TBC1D19: variants seen among roughly 807,000 people sequenced by gnomAD.
The protein encoded by TBC1D19 is TBC1 domain family, member 19.
In TBC1D19, 60 loss-of-function variants were observed where a neutral mutation model predicts 89.0. That is an observed-to-expected ratio of 0.67 (90% CI 0.55 to 0.84). TBC1D19 has a LOEUF of 0.84. TBC1D19 is among the 40% of genes least tolerant of loss of function. TBC1D19 has a pLI of 0.00. For missense variants in TBC1D19, 500 were observed against 610.8 expected (o/e 0.82, Z 1.91); for synonymous variants, 189 against 199.7 (o/e 0.95, Z 0.45).
intron 18 of TBC1D19, among the ~76,000 whole-genome samples, chr4:26,746,994 C>T (rs921351463): frequency 5.3e-5 from 8 of 152,102 alleles, no homozygotes; most frequent in African/African-American, 9.7e-5. Context: ...GGAGTGGGAC[C>T]GTGCGAGCTT....
At chr4:26,840,272 A>T in the TBC1D19 span, among the ~76,000 whole-genome samples, 2 of 152,174 alleles carry the variant, frequency 1.3e-5, no homozygotes, top group Admixed American at 6.5e-5. Context: ...AGTAGAGACG[A>T]GGTCTTACCA....
the TBC1D19 span, among the ~76,000 whole-genome samples, chr4:26,810,214 G>GT: frequency 3.3e-5 from 5 of 152,318 alleles, no homozygotes; most frequent in Non-Finnish European, 7.3e-5. Flanking sequence ...AATGCACCCT[G>GT]TATCAGCTGC....
the TBC1D19 span, among the ~76,000 whole-genome samples, chr4:26,805,414 G>C: frequency 1.3e-5 from 2 of 152,146 alleles, no homozygotes; most frequent in African/African-American, 4.8e-5. Flanking sequence ...TCCTCATCCG[G>C]ATTCAGTCCC....
chr4:26,771,748 A>G, the TBC1D19 span, among the ~76,000 whole-genome samples: 2 of 152,196 alleles, frequency 1.3e-5, no homozygotes, highest in Non-Finnish European at 2.9e-5. Flanking sequence ...ACATTGTGCT[A>G]TAGTCAACAA....
At chr4:26,684,319 CA>C (rs377234165) in intron 12 of TBC1D19, among the ~76,000 whole-genome samples, 48 of 152,272 alleles carry the variant, frequency 3.2e-4, no homozygotes, top group Middle Eastern at 3.4e-3. Context: ...AGCCAAGCAC[CA>C]AAGCACTGGG....
chr4:26,580,712 G>A (rs565183355), upstream of TBC1D19, among the ~76,000 whole-genome samples: 2 of 152,332 alleles, frequency 1.3e-5, no homozygotes, highest in South Asian at 4.1e-4. Context: ...ACAGTGGAAA[G>A]TATTTTTCAC....
intron 15 of TBC1D19, among the ~76,000 whole-genome samples, chr4:26,721,265 A>G (rs932560950): frequency 2.6e-5 from 4 of 151,928 alleles, no homozygotes; most frequent in Admixed American, 2.0e-4. Flanking sequence ...CCACCCCCAA[A>G]AGAAAAAAGA....
At position 26,637,112 on chromosome 4, in the gene TBC1D19, C is replaced by T. The variant is rs543083783; in HGVS notation, c.295-99C>T. ...ATAAATAAGGATAACCAATCTCAACCAGCCTTACCATTTCTATATAATTTG... is the reference window on the plus strand; with the variant it reads ...ATAAATAAGGATAACCAATCTCAACTAGCCTTACCATTTCTATATAATTTG... On this transcript the variant is annotated intron_variant, in intron 4 of 20. Transcript: ENST00000264866. 5.6e-5 allele frequency: 47 copies of T among 841,096 alleles called. No individual in the cohort carries two copies. In the East Asian group the frequency reaches 1.3e-3, roughly 23 times the overall value. The allele number at this position is 841,096 out of a possible 1,614,324, so 52.1% of individuals were successfully genotyped here.
At chr4:26,594,451 A>T (rs1444547128) in intron 1 of TBC1D19, among the ~76,000 whole-genome samples, 1 of 151,912 alleles carries the variant, frequency 6.6e-6, no homozygotes, top group African/African-American at 2.4e-5. Context: ...TTAAAAAAAA[A>T]ATTAACTGCC....
chr4:26,709,953 C>A lies in TBC1D19; in HGVS notation c.955-7980C>A, dbSNP rs73114666. Among the ~76,000 whole-genome samples, 278 of 152,046 alleles carry A rather than the reference C, an allele frequency of 1.8e-3. 2 individuals are homozygous for A. Among genetic ancestry groups the A allele is most frequent in the African/African-American group, 6.3e-3 (263 of 41,516 alleles). ...CCCATACAGCTATCAGGACCCCAAGCCAGGGGTGTCTATTTTCAAAGCTAG... is the reference window on the plus strand; with the variant it reads ...CCCATACAGCTATCAGGACCCCAAGACAGGGGTGTCTATTTTCAAAGCTAG... On this transcript the variant is annotated intron_variant, in intron 13 of 20. Transcript: ENST00000264866.
intron 15 of TBC1D19, among the ~76,000 whole-genome samples, chr4:26,728,874 G>A (rs1717481512): frequency 6.6e-6 from 1 of 152,190 alleles, no homozygotes; most frequent in Admixed American, 6.5e-5. Context: ...AATTAGCCGG[G>A]CGTGATGGCG....
chr4:26,694,581 A>T (rs1044005318), intron 13 of TBC1D19, among the ~76,000 whole-genome samples: 3 of 152,188 alleles, frequency 2.0e-5, no homozygotes, highest in African/African-American at 7.2e-5. Context: ...ATCTGAGAAC[A>T]GACAGACGGC....
At chr4:26,775,029 C>T in the TBC1D19 span, among the ~76,000 whole-genome samples, 1 of 152,104 alleles carries the variant, frequency 6.6e-6, no homozygotes, top group South Asian at 2.1e-4. Flanking sequence ...TTTCTGTATC[C>T]ATTGAGAATA....
the TBC1D19 span, among the ~76,000 whole-genome samples, chr4:26,810,537 C>A: frequency 6.6e-6 from 1 of 152,198 alleles, no homozygotes; most frequent in African/African-American, 2.4e-5. Flanking sequence ...GCTTGACCTT[C>A]ATATAGCAGC....
intron 18 of TBC1D19, among the ~76,000 whole-genome samples, chr4:26,747,902 G>T (rs1470246556): frequency 2.6e-5 from 4 of 152,210 alleles, no homozygotes; most frequent in Middle Eastern, 6.8e-3. Flanking sequence ...ATGTCTCATA[G>T]CTTTAAAACT....
At chr4:26,838,750 G>A in the TBC1D19 span, among the ~76,000 whole-genome samples, 280 of 152,348 alleles carry the variant, frequency 1.8e-3, 2 homozygotes, top group South Asian at 4.1e-3. Flanking sequence ...TCGCCTTTCA[G>A]AATCTGTTAA....
At chr4:26,822,045 C>T in the TBC1D19 span, among the ~76,000 whole-genome samples, 10 of 152,236 alleles carry the variant, frequency 6.6e-5, no homozygotes, top group Non-Finnish European at 8.8e-5. Flanking sequence ...TGCCAAGCCC[C>T]GCTGTTGCCT....
At chr4:26,725,104 C>CTTG (rs1259620651) in intron 15 of TBC1D19, among the ~76,000 whole-genome samples, 4 of 152,192 alleles carry the variant, frequency 2.6e-5, no homozygotes, top group African/African-American at 9.7e-5. Context: ...CAAGATCCCC[C>CTTG]TGGTACCAGC....
intron 13 of TBC1D19, among the ~76,000 whole-genome samples, chr4:26,703,098 T>C (rs2109217580): frequency 6.6e-6 from 1 of 152,358 alleles, no homozygotes; most frequent in African/African-American, 2.4e-5. Flanking sequence ...TCCTTTCATC[T>C]GTCTAAATAA....
Sources: allele counts gnomAD v4.1 joint callset (sites outside exome capture counted in the v4.1 genomes callset), GRCh38; gene constraint gnomAD v4.1.1; transcripts MANE v1.5; gene names NCBI Gene and HGNC (gene_info 2026-07-23, HGNC 2026-07-21).